PALM2AKAP2: variants seen among roughly 807,000 people sequenced by gnomAD.
The protein encoded by PALM2AKAP2 is PALM2 and AKAP2 fusion, also known as PALM2-AKAP2 fusion protein.
Under a neutral mutation model 71.5 loss-of-function variants are expected in PALM2AKAP2, and 37 were observed. The observed-to-expected ratio is 0.52, with a 90% CI of 0.40 to 0.68. PALM2AKAP2 has a LOEUF of 0.68. Ranked by LOEUF, PALM2AKAP2 falls within the 30% of genes least tolerant of loss-of-function variation. The pLI is 0.00. For missense variants in PALM2AKAP2, 1,224 were observed against 1,191.8 expected (o/e 1.03, Z -0.40); for synonymous variants, 468 against 478.8 (o/e 0.98, Z 0.29).
chr9:110,001,889 G>A (rs1262889861), intron 6 of PALM2AKAP2, among the ~76,000 whole-genome samples: 1 of 152,138 alleles, frequency 6.6e-6, no homozygotes, highest in Non-Finnish European at 1.5e-5. Flanking sequence ...TGCTGAAATT[G>A]CTTATCAGCT....
intron 7 of PALM2AKAP2, among the ~76,000 whole-genome samples, chr9:110,020,979 G>A (rs1308757010): frequency 1.3e-5 from 2 of 152,010 alleles, no homozygotes; most frequent in African/African-American, 4.8e-5. Flanking sequence ...GGTGGCACAC[G>A]CCTGTAATCC....
At chr9:109,700,769 G>A (rs1018980866) in intron 1 of PALM2AKAP2, among the ~76,000 whole-genome samples, 18 of 152,122 alleles carry the variant, frequency 1.2e-4, no homozygotes, top group African/African-American at 4.3e-4. Context: ...GAGCTCTTTG[G>A]ATGCTTCATA....
chr9:109,965,358 G>A (rs1831927795), intron 6 of PALM2AKAP2, among the ~76,000 whole-genome samples: 1 of 152,116 alleles, frequency 6.6e-6, no homozygotes, highest in Non-Finnish European at 1.5e-5. Context: ...ACAGATGAAT[G>A]GATAAACAAA....
At chr9:109,792,061 G>T (rs1483579327) in intron 1 of PALM2AKAP2, among the ~76,000 whole-genome samples, 1 of 152,102 alleles carries the variant, frequency 6.6e-6, no homozygotes, top group Non-Finnish European at 1.5e-5. Context: ...GGGGCTGGGG[G>T]GTTGGTACAG....
intron 1 of PALM2AKAP2, among the ~76,000 whole-genome samples, chr9:109,670,495 A>T (rs970269517): frequency 2.0e-5 from 3 of 152,134 alleles, no homozygotes; most frequent in African/African-American, 7.2e-5. Flanking sequence ...TATCTGTAAC[A>T]CATTTTCTTT....
intron 6 of PALM2AKAP2, among the ~76,000 whole-genome samples, chr9:109,989,843 A>C (rs985689152): frequency 6.6e-6 from 1 of 152,336 alleles, no homozygotes; most frequent in East Asian, 1.9e-4. Context: ...CCACGTGGGC[A>C]TGTAGGTCAC....
Position 109,896,116 on chromosome 9 carries a change from C to T in PALM2AKAP2, c.257+15435C>T, listed in dbSNP as rs143947119. Reference sequence around the variant, plus strand: ...AGGAGAACTGCTCGAACCTGGGAGGCGGAAGTTGCAGTGAGCCGAGATCAC... The same window carrying T: ...AGGAGAACTGCTCGAACCTGGGAGGTGGAAGTTGCAGTGAGCCGAGATCAC... On this transcript the variant is annotated intron_variant, in intron 3 of 9. Transcript: ENST00000302798. Among the ~76,000 whole-genome samples, 689 of 150,136 alleles carry T rather than the reference C, an allele frequency of 4.6e-3. 6 individuals are homozygous for T. The highest frequency in any genetic ancestry group is 0.016 in the African/African-American group (662 of 40,680).
chr9:109,783,956 G>T (rs1826894083), intron 1 of PALM2AKAP2, among the ~76,000 whole-genome samples: 1 of 152,162 alleles, frequency 6.6e-6, no homozygotes, highest in Non-Finnish European at 1.5e-5. Context: ...TGCTTTAATG[G>T]AATCTTCCAT....
At chr9:109,679,992 C>T (rs1827705769) in intron 1 of PALM2AKAP2, among the ~76,000 whole-genome samples, 1 of 152,128 alleles carries the variant, frequency 6.6e-6, no homozygotes, top group East Asian at 1.9e-4. Context: ...AATAATCCTA[C>T]CTCTCTAGTT....
chr9:109,809,564 C>T (rs957477795), intron 1 of PALM2AKAP2, among the ~76,000 whole-genome samples: 1 of 152,182 alleles, frequency 6.6e-6, no homozygotes, highest in Non-Finnish European at 1.5e-5. Flanking sequence ...GTGGAAGGGA[C>T]TTGCCTTGTC....
At chr9:109,869,102 G>T (rs140507206) in intron 2 of PALM2AKAP2, among the ~76,000 whole-genome samples, 1 of 152,132 alleles carries the variant, frequency 6.6e-6, no homozygotes, top group Non-Finnish European at 1.5e-5. Context: ...AAAAAGAGAG[G>T]CTGCTTTGGG....
intron 6 of PALM2AKAP2, among the ~76,000 whole-genome samples, chr9:109,953,550 G>A (rs1011108439): frequency 6.6e-5 from 10 of 152,026 alleles, no homozygotes; most frequent in Admixed American, 3.3e-4. Flanking sequence ...GAGGCCGGGC[G>A]CTGGAGGCCA....
At chr9:109,953,723 T>C (rs1831687931) in intron 6 of PALM2AKAP2, among the ~76,000 whole-genome samples, 1 of 150,116 alleles carries the variant, frequency 6.7e-6, no homozygotes, top group Non-Finnish European at 1.5e-5. Flanking sequence ...TAATCCCCGC[T>C]ACTCAGGAGG....
At chr9:109,711,653 T>C (rs1005746659) in intron 1 of PALM2AKAP2, among the ~76,000 whole-genome samples, 1 of 152,206 alleles carries the variant, frequency 6.6e-6, no homozygotes, top group African/African-American at 2.4e-5. Context: ...GTCCAGCAAC[T>C]AACAGGAGAG....
intron 1 of PALM2AKAP2, among the ~76,000 whole-genome samples, chr9:109,660,646 G>T (rs145760510): frequency 6.6e-6 from 1 of 151,998 alleles, no homozygotes; most frequent in Non-Finnish European, 1.5e-5. Flanking sequence ...GAATAGTGCC[G>T]CAATAAATAT....
upstream of PALM2AKAP2, chr9:109,780,358 G>T (rs1829420599): frequency 6.4e-7 from 1 of 1,572,664 alleles, no homozygotes; most frequent in Non-Finnish European, 8.6e-7. Context: ...CCCTGGAGCG[G>T]ATCCCCAGCC....
chr9:110,148,564 G>C (rs1168542772), intron 2 of PALM2AKAP2: 1 of 152,162 alleles, frequency 6.6e-6, no homozygotes, highest in East Asian at 1.9e-4. Flanking sequence ...GTACTGAGAG[G>C]AAACGAAATT....
chr9:109,758,878 G>T (rs1257143119), intron 1 of PALM2AKAP2, among the ~76,000 whole-genome samples: 1 of 151,936 alleles, frequency 6.6e-6, no homozygotes, highest in Non-Finnish European at 1.5e-5. Context: ...CATGATAGTT[G>T]TACCTATTTG....
At chr9:109,941,258 A>G (rs1476777442) in intron 6 of PALM2AKAP2, among the ~76,000 whole-genome samples, 1 of 148,904 alleles carries the variant, frequency 6.7e-6, no homozygotes, top group Non-Finnish European at 1.5e-5. Flanking sequence ...CCCTCTGGCC[A>G]CAGTTTGCAG....
Sources: gnomAD v4.1 joint callset for allele counts (sites outside exome capture counted in the v4.1 genomes callset) on GRCh38, gnomAD v4.1.1 for gene constraint, MANE v1.5 for transcripts, NCBI Gene and HGNC (gene_info 2026-07-23, HGNC 2026-07-21) for gene names.